The following FBXO41 variants were observed in gnomAD, a reference collection of about 807,000 sequenced individuals.
FBXO41 encodes the protein F-box only protein 41.
A neutral mutation model predicts 81.6 loss-of-function variants in FBXO41; 33 were observed. The ratio of observed to expected loss-of-function variants is 0.40; its 90% CI spans 0.31 to 0.54. The LOEUF (loss-of-function observed/expected upper bound fraction) is 0.54, where lower values mean the gene tolerates loss of function less well. FBXO41 is among the 20% of genes least tolerant of loss of function. The probability of loss-of-function intolerance (pLI) is 0.39; values close to 1 mark genes in which losing one functional copy is unlikely to be tolerated. For missense variants in FBXO41, 1,107 were observed against 1,236.0 expected (o/e 0.90, Z 1.56); for synonymous variants, 576 against 552.7 (o/e 1.04, Z -0.59).
rs886641118 is a variant in FBXO41, at chr2:73,258,341, T to C, written c.*641A>G. 14 of 152,320 alleles carry C rather than the reference T, an allele frequency of 9.2e-5. No individual in the cohort carries two copies. The highest frequency in any genetic ancestry group is 3.4e-4 in the African/African-American group (14 of 41,408). 9.4% of individuals were successfully genotyped at this position (152,320 alleles called of 1,614,324 possible). A position where few individuals can be genotyped will look rare whatever the true frequency, so the allele number is the denominator to read the frequency against. On this transcript the variant is annotated 3_prime_UTR_variant, in exon 13 of 13. Transcript: ENST00000520530. ...AGGGTGGTCTCATCCTGGGGAGAAGTTCTGGGTGACTGTTTCCTTTCCAAA... is the reference window on the plus strand; with the variant it reads ...AGGGTGGTCTCATCCTGGGGAGAAGCTCTGGGTGACTGTTTCCTTTCCAAA...
intron 1 of FBXO41, among the ~76,000 whole-genome samples, chr2:73,277,489 CA>C (rs1688731182): frequency 6.6e-6 from 1 of 152,202 alleles, no homozygotes; most frequent in South Asian, 2.1e-4. Context: ...GCAACCTCTG[CA>C]GCCCTAAGAC....
chr2:73,269,231 C>T lies in FBXO41; in HGVS notation c.400G>A (p.Glu134Lys). 1 of 1,525,646 alleles carries T rather than the reference C, an allele frequency of 6.6e-7. No individual in the cohort carries two copies. Among genetic ancestry groups the T allele is most frequent in the Non-Finnish European group, 8.8e-7 (1 of 1,137,848 alleles). 94.5% of individuals were successfully genotyped at this position (1,525,646 alleles called of 1,614,324 possible). Residue 134 changes from glutamate to lysine, a missense_variant, in exon 2 of 13, where the codon GAG becomes AAG. Physicochemically the swap from Glu to Lys is moderately conservative, Grantham distance 56. Coordinates refer to ENST00000520530, the MANE Select transcript of FBXO41 (RefSeq NM_001371389.2). This position sits in a 1 kb window ranked among gnomAD's most constrained non-coding sequence, Gnocchi z 7.0. ...GCTGCGGCGGGCACAAGGCCCGGCT[C>T]GGCCAACTCCTCACAGGGCAGGCTA... is the stretch of plus-strand genomic sequence containing the variant. The part of the protein sequence containing the change: ...PASLPCEELA[E>K]PGLVPAAAAR...
intron 1 of FBXO41, among the ~76,000 whole-genome samples, chr2:73,277,737 G>C (rs1483808557): frequency 6.6e-6 from 1 of 151,948 alleles, no homozygotes. Flanking sequence ...TGTAGCTCCT[G>C]TTTCCTGTCA....
At position 73,258,252 on chromosome 2, in the gene FBXO41, G is replaced by C. The variant is rs1687884658; in HGVS notation, c.*730C>G. ...GGTGTGCGGTGGGGTATGAGGTTGG[G>C]AGGAGGGGTCCTGTCTTACAGCAAT... On this transcript the variant is annotated 3_prime_UTR_variant, in exon 13 of 13. Coordinates refer to ENST00000520530, the MANE Select transcript of FBXO41 (RefSeq NM_001371389.2). The C allele has an allele frequency of 6.6e-6, 1 of 152,348 alleles. No individual in the cohort carries two copies. The highest frequency in any genetic ancestry group is 1.5e-5 in the Non-Finnish European group (1 of 68,158). The allele number at this position is 152,348 out of a possible 1,614,324, so 9.4% of individuals were successfully genotyped here. A position where few individuals can be genotyped will look rare whatever the true frequency, so the allele number is the denominator to read the frequency against.
chr2:73,275,046 T>A (rs1688648139), intron 1 of FBXO41, among the ~76,000 whole-genome samples: 1 of 144,202 alleles, frequency 6.9e-6, no homozygotes, highest in East Asian at 2.1e-4. Flanking sequence ...CCTGCCACCA[T>A]GCCCGGCTAA....
chr2:73,278,486 A>T (rs1413130614), intron 1 of FBXO41, among the ~76,000 whole-genome samples: 1 of 152,222 alleles, frequency 6.6e-6, no homozygotes, highest in Non-Finnish European at 1.5e-5. Flanking sequence ...ACCCTGTGCC[A>T]TGAGCTATAC....
In FBXO41 at chr2:73,269,988, G is replaced by A. The variant is rs941356857; in HGVS notation, c.-138-220C>T. On this transcript the variant is annotated intron_variant, in intron 1 of 12. Coordinates refer to ENST00000520530, the MANE Select transcript of FBXO41 (RefSeq NM_001371389.2). This position sits in a 1 kb window ranked among gnomAD's most constrained non-coding sequence, Gnocchi z 7.0. ...AATCTGTTTTTAAAGGGGCAGGCGC[G>A]TAATCACTTTTATTTATAATGGTTC... Among the ~76,000 whole-genome samples the A allele has an allele frequency of 5.9e-5, 9 of 152,132 alleles. No homozygotes were observed. Among genetic ancestry groups the A allele is most frequent in the South Asian group, 2.1e-4 (1 of 4,834 alleles).
Position 73,266,550 on chromosome 2 carries a change from G to A in FBXO41, c.1038C>T (p.Ile346=). ...ADRAERQLQV[I]SSSCGSTPSA... ...TGGGCGTGCTGCCACAGCTGCTGCT[G>A]ATGACCTGCAGCTGCCGCTCGGCAC... Residue 346 remains isoleucine (I), a synonymous_variant, in exon 3 of 13, where the codon ATC becomes ATT. Coordinates refer to ENST00000520530, the MANE Select transcript of FBXO41 (RefSeq NM_001371389.2). This position sits in a 1 kb window ranked among gnomAD's most constrained non-coding sequence, Gnocchi z 5.3. 6.2e-7 allele frequency: 1 copy of A among 1,609,390 alleles called. No homozygotes were observed. The highest frequency in any genetic ancestry group is 2.2e-5 in the East Asian group (1 of 44,766).
chr2:73,276,615 AGAGAGG>A (rs1688697732), intron 1 of FBXO41, among the ~76,000 whole-genome samples: 1 of 88,776 alleles, frequency 1.1e-5, no homozygotes, highest in African/African-American at 8.4e-5. Context: ...GGAGAGAGGG[AGAGAGG>A]GAGAGAATGC....
At position 73,263,204 on chromosome 2, in the gene FBXO41, A is replaced by C. The variant is rs1688081926; in HGVS notation, c.2171+9T>G. ...CCCCCTCCTATCCCCCAAACCTGCC[A>C]GGGCTCACCAGGGGTGAAGTGGTGC... On this transcript the variant is annotated intron_variant, in intron 9 of 12. Transcript: ENST00000520530. 2 of 1,552,186 alleles carry C rather than the reference A, an allele frequency of 1.3e-6. No homozygotes were observed. Among genetic ancestry groups the C allele is most frequent in the Non-Finnish European group, 1.7e-6 (2 of 1,147,164 alleles).
chr2:73,266,420 T>C lies in FBXO41; in HGVS notation c.1131+37A>G. ...AAAGGTGAGGTTGTGGGGGGCCAGG[T>C]GTGCAGGTAGAGGAGGGAAGGCAGG... On this transcript the variant is annotated intron_variant, in intron 3 of 12. Transcript: ENST00000520530. The surrounding 1 kb of genome is among the most constrained non-coding windows in gnomAD (Gnocchi z 5.3). 1.4e-6 allele frequency: 2 copies of C among 1,450,520 alleles called. No homozygotes were observed. Among genetic ancestry groups the C allele is most frequent in the Non-Finnish European group, 1.8e-6 (2 of 1,094,200 alleles). 89.9% of individuals were successfully genotyped at this position (1,450,520 alleles called of 1,614,324 possible). A position where few individuals can be genotyped will look rare whatever the true frequency, so the allele number is the denominator to read the frequency against.
Position 73,280,318 on chromosome 2 carries a change from A to G in FBXO41, c.-139+3842T>C, listed in dbSNP as rs971770492. 7.9e-5 allele frequency among the ~76,000 whole-genome samples: 12 copies of G among 152,346 alleles called. No individual in the cohort carries two copies. In the East Asian group the frequency reaches 2.3e-3, roughly 29 times the overall value. ...CACTGATATTGTCTAACTGGAGTCT[A>G]TAAATCTCCCAGCTTTGAATTCTCA... On this transcript the variant is annotated intron_variant, in intron 1 of 12. Coordinates refer to ENST00000520530, the MANE Select transcript of FBXO41 (RefSeq NM_001371389.2).
chr2:73,263,121 T>C lies in FBXO41; in HGVS notation c.2171+92A>G, dbSNP rs1165679977. 6.5e-5 allele frequency: 63 copies of C among 973,216 alleles called. 1 individual carries two copies. Among genetic ancestry groups the C allele is most frequent in the Non-Finnish European group, 4.6e-6 (3 of 646,610 alleles). 60.3% of individuals were successfully genotyped at this position (973,216 alleles called of 1,614,324 possible). Reference sequence around the variant, plus strand: ...ATGTGTGTGGATCTGTCCTAATAGCTTGTGGAATGGGCTCAGATCTGCTAA... The same window carrying C: ...ATGTGTGTGGATCTGTCCTAATAGCCTGTGGAATGGGCTCAGATCTGCTAA... On this transcript the variant is annotated intron_variant, in intron 9 of 12. Coordinates refer to ENST00000520530, the MANE Select transcript of FBXO41 (RefSeq NM_001371389.2).
At chr2:73,281,060 A>G (rs542543560) in intron 1 of FBXO41, among the ~76,000 whole-genome samples, 1 of 152,228 alleles carries the variant, frequency 6.6e-6, no homozygotes, top group South Asian at 2.1e-4. Context: ...TGTCTTCTCA[A>G]TGCTGCAGCT....
rs540519532 is a variant in FBXO41 at position 73,261,224 on chromosome 2, T to C, written c.2172-366A>G. On this transcript the variant is annotated intron_variant, in intron 9 of 12. Transcript: ENST00000520530. ...GGCATGCACTACCATGCCCGGCTCATTTTTTTGTACTTTTAGTAGAGACAG... is the reference window on the plus strand; with the variant it reads ...GGCATGCACTACCATGCCCGGCTCACTTTTTTGTACTTTTAGTAGAGACAG... 6.9e-4 allele frequency among the ~76,000 whole-genome samples: 105 copies of C among 152,128 alleles called. 1 individual carries two copies. In the South Asian group the frequency reaches 0.019, roughly 27 times the overall value.
At position 73,257,632 on chromosome 2, in the gene FBXO41, G is replaced by T. The variant is rs1687863020; in HGVS notation, c.*1350C>A. ...AGAACTTTCCAAATGAAAGTTGGCA[G>T]GACCCCCGGCCTCTGAGCTACTGTG... is the stretch of plus-strand genomic sequence containing the variant. On this transcript the variant is annotated 3_prime_UTR_variant, in exon 13 of 13. Coordinates refer to ENST00000520530, the MANE Select transcript of FBXO41 (RefSeq NM_001371389.2). The surrounding 1 kb of genome is among the most constrained non-coding windows in gnomAD (Gnocchi z 4.6). 6.6e-6 allele frequency: 1 copy of T among 152,302 alleles called. No individual in the cohort carries two copies. Among genetic ancestry groups the T allele is most frequent in the Non-Finnish European group, 1.5e-5 (1 of 68,082 alleles). 9.4% of individuals were successfully genotyped at this position (152,302 alleles called of 1,614,324 possible). A position where few individuals can be genotyped will look rare whatever the true frequency, so the allele number is the denominator to read the frequency against.
rs946650881 is a variant in FBXO41, at chr2:73,265,420, G to A, written c.1426C>T (p.Arg476Ter). 5 of 1,608,962 alleles carry A rather than the reference G, an allele frequency of 3.1e-6. No individual in the cohort carries two copies. Among genetic ancestry groups the A allele is most frequent in the Non-Finnish European group, 4.2e-6 (5 of 1,179,668 alleles). Reference protein sequence around the residue: ...AIQNWQRRPRRHSTEGEEGDV... With the variant: ...AIQNWQRRPR ...CCCTCTTCCCCCTCAGTGCTGTGTC[G>A]GCGGGGTCTGCGCTGCCAGTTCTGG... Residue 476 changes from arginine (R) to a stop codon, truncating the protein, a stop_gained, in exon 5 of 13, where the codon CGA becomes TGA. Transcript: ENST00000520530. LOFTEE classifies it high-confidence loss of function.
intron 4 of FBXO41, 40 bp from the exon 5 acceptor site, chr2:73,265,680 C>A: frequency 6.8e-7 from 1 of 1,460,266 alleles, no homozygotes; most frequent in East Asian, 2.4e-5. Context: ...GTAAGAGGCA[C>A]CAGGCCTACC....
rs749646355 is a variant in FBXO41 at position 73,259,408 on chromosome 2, C to G, written c.2450-112G>C. The stretch of plus-strand genomic sequence containing the variant: ...AATCAGGTGCCAGCTACCGGGAACA[C>G]GACAGAGGAGAGCAGACTCATGCCA... On this transcript the variant is annotated intron_variant, in intron 11 of 12. Coordinates refer to ENST00000520530, the MANE Select transcript of FBXO41 (RefSeq NM_001371389.2). This position sits in a 1 kb window ranked among gnomAD's most constrained non-coding sequence, Gnocchi z 4.2. The G allele has an allele frequency of 1.4e-5, 13 of 909,724 alleles. No individual in the cohort carries two copies. Among genetic ancestry groups the G allele is most frequent in the African/African-American group, 1.1e-4 (7 of 61,356 alleles). 56.4% of individuals were successfully genotyped at this position (909,724 alleles called of 1,614,324 possible).
Sources: allele counts gnomAD v4.1 joint callset (sites outside exome capture counted in the v4.1 genomes callset), GRCh38; gene constraint gnomAD v4.1.1; non-coding constraint Gnocchi (gnomAD v3.1); transcripts MANE v1.5; gene names NCBI Gene and HGNC (gene_info 2026-07-23, HGNC 2026-07-21).